Variants in HS1BP3 observed in about 807,000 individuals in gnomAD.
HS1BP3 encodes HCLS1-binding protein 3.
HS1BP3 carries 32 observed loss-of-function variants against 33.5 expected under a neutral mutation model. That is an observed-to-expected ratio of 0.95 (90% CI 0.72 to 1.28). The LOEUF is 1.28. Among genes scored for constraint, HS1BP3 ranks in the 50% most tolerant of loss-of-function variants. HS1BP3 has a pLI of 0.00. For synonymous variants in HS1BP3, 187 were observed against 209.2 expected (o/e 0.89, Z 0.92); for missense variants, 486 against 502.3 (o/e 0.97, Z 0.31).
chr2:20,605,588 C>T (rs192791372), intron 2 of HS1BP3, among the ~76,000 whole-genome samples: 196 of 152,298 alleles, frequency 1.3e-3, no homozygotes, highest in Admixed American at 4.1e-3. Context: ...TATACCTCCC[C>T]GCACTCCCAG....
downstream of HS1BP3, among the ~76,000 whole-genome samples, chr2:20,559,034 C>T (rs1444673730): frequency 1.3e-5 from 2 of 152,178 alleles, no homozygotes; most frequent in African/African-American, 2.4e-5. Flanking sequence ...GGACTCACAT[C>T]GTGAGGAGCG....
chr2:20,630,170 T>A (rs1694926820), intron 4 of HS1BP3, among the ~76,000 whole-genome samples: 1 of 152,368 alleles, frequency 6.6e-6, no homozygotes, highest in African/African-American at 2.4e-5. Context: ...AATACGGAAA[T>A]CCACCTCCTT....
intron 3 of HS1BP3, among the ~76,000 whole-genome samples, chr2:20,639,020 G>A (rs570664960): frequency 2.6e-5 from 4 of 152,344 alleles, no homozygotes; most frequent in African/African-American, 7.2e-5. Flanking sequence ...CCGGGTGAGC[G>A]GTGGGATACA....
At chr2:20,607,891 T>A (rs1694232791) in intron 2 of HS1BP3, among the ~76,000 whole-genome samples, 1 of 152,248 alleles carries the variant, frequency 6.6e-6, no homozygotes, top group Admixed American at 6.5e-5. Context: ...GAACATGGAA[T>A]GTCTTTTTAT....
intron 1 of HS1BP3, among the ~76,000 whole-genome samples, chr2:20,645,843 C>T (rs1695502878): frequency 6.6e-6 from 1 of 152,248 alleles, no homozygotes; most frequent in Non-Finnish European, 1.5e-5. Context: ...AGGGCCTCTA[C>T]TCAGACCAAG....
At position 20,650,484 on chromosome 2, in the gene HS1BP3, C is replaced by CCT. The variant is rs1259154248; in HGVS notation, c.32+546_32+547dup. Among the ~76,000 whole-genome samples, 10 of 152,324 alleles carry CCT rather than the reference C, an allele frequency of 6.6e-5. No homozygotes were observed. The East Asian group carries it at 1.9e-3, about 29-fold the overall frequency. ...TGAGCTGCCTCGCAAGCAGCAACGA[C>CCT]CTCTCCCTGGTCTCTCATCAAACTC... On this transcript the variant is annotated intron_variant, in intron 1 of 6. Transcript: ENST00000304031.
At chr2:20,599,547 G>C (rs1238786280) in intron 2 of HS1BP3, among the ~76,000 whole-genome samples, 1 of 151,782 alleles carries the variant, frequency 6.6e-6, no homozygotes, top group Non-Finnish European at 1.5e-5. Context: ...AAGGGGCTTT[G>C]AGCCTTATCT....
At chr2:20,647,569 G>C (rs1178685718) in intron 1 of HS1BP3, among the ~76,000 whole-genome samples, 1 of 152,150 alleles carries the variant, frequency 6.6e-6, no homozygotes, top group East Asian at 1.9e-4. Context: ...AGGCATGTTC[G>C]GGCCTAGGGT....
At chr2:20,640,732 C>T in intron 3 of HS1BP3, 1 of 614,216 alleles carries the variant, frequency 1.6e-6, no homozygotes, top group Non-Finnish European at 3.0e-6. Flanking sequence ...TGGGGTCACA[C>T]TATGGAGAAT....
In HS1BP3 at chr2:20,645,536, C is replaced by T. The variant is rs777750770; in HGVS notation, c.33-31G>A. On this transcript the variant is annotated intron_variant, in intron 1 of 6. Transcript: ENST00000304031. ...AGGGGAAAAGAAGGCAGGTGGGGTT[C>T]AGGGTCAAGGCAGTAGGCTTCCCGA... 5 of 1,596,050 alleles carry T rather than the reference C, an allele frequency of 3.1e-6. No individual in the cohort carries two copies. The South Asian group carries it at 5.7e-5, about 18-fold the overall frequency.
intron 2 of HS1BP3, among the ~76,000 whole-genome samples, chr2:20,641,896 T>C (rs1695363246): frequency 6.6e-6 from 1 of 152,216 alleles, no homozygotes; most frequent in Admixed American, 6.5e-5. Context: ...GAGCTCTTGC[T>C]GCATGTTCAC....
At position 20,638,681 on chromosome 2, in the gene HS1BP3, T is replaced by TC. The variant is rs754846845; in HGVS notation, c.407-30_407-29insG. On this transcript the variant is annotated intron_variant, in intron 3 of 6. Coordinates refer to ENST00000304031, the MANE Select transcript of HS1BP3 (RefSeq NM_022460.4). Reference sequence around the variant, plus strand: ...TGGAGGAAGACAGAAAAGAATGGACTTGGTAACCACCCCAGAGCCAGGGGA... The same window carrying TC: ...TGGAGGAAGACAGAAAAGAATGGACTCTGGTAACCACCCCAGAGCCAGGGGA... 18 of 1,577,242 alleles carry TC rather than the reference T, an allele frequency of 1.1e-5. No individual in the cohort carries two copies. In the Admixed American group the frequency reaches 2.5e-4, roughly 22 times the overall value.
At chr2:20,566,296 C>T (rs1293797879) in intron 5 of HS1BP3, among the ~76,000 whole-genome samples, 1 of 152,276 alleles carries the variant, frequency 6.6e-6, no homozygotes, top group African/African-American at 2.4e-5. Flanking sequence ...GACACAGACA[C>T]TGCTTGGGCT....
intron 2 of HS1BP3, among the ~76,000 whole-genome samples, chr2:20,599,877 C>A (rs1009733006): frequency 6.6e-6 from 1 of 152,088 alleles, no homozygotes; most frequent in Non-Finnish European, 1.5e-5. Context: ...GTTCATTCAG[C>A]CCTGCCATCA....
At chr2:20,572,751 G>A (rs1180679071) in intron 5 of HS1BP3, among the ~76,000 whole-genome samples, 6 of 152,206 alleles carry the variant, frequency 3.9e-5, no homozygotes. Context: ...CCGGGGATCA[G>A]CTCCCAGCCT....
intron 5 of HS1BP3, among the ~76,000 whole-genome samples, chr2:20,580,736 C>G (rs1693513448): frequency 1.3e-5 from 2 of 152,080 alleles, no homozygotes; most frequent in Admixed American, 1.3e-4. Context: ...CAAAAATTAC[C>G]AAGTCAGATA....
chr2:20,560,830 C>T (rs939302582), intron 5 of HS1BP3, among the ~76,000 whole-genome samples: 12 of 152,208 alleles, frequency 7.9e-5, no homozygotes, highest in Admixed American at 7.2e-4. Flanking sequence ...GCTGAGGACA[C>T]TGTTCTGTCC....
At position 20,565,885 on chromosome 2, in the gene HS1BP3, G is replaced by A. The variant is rs1395169501; in HGVS notation, c.303-5370C>T. Among the ~76,000 whole-genome samples, 3 of 152,372 alleles carry A rather than the reference G, an allele frequency of 2.0e-5. No homozygotes were observed. In the East Asian group the frequency reaches 5.8e-4, roughly 29 times the overall value. The stretch of plus-strand genomic sequence containing the variant: ...GTAGAGTCAGGGCTGGAACTGGAAT[G>A]TGCTGCCTCACAGGCCAAGGCTTCC... On this transcript the variant is annotated intron_variant, in intron 5 of 5. Coordinates refer to the HS1BP3 transcript ENST00000446825.
chr2:20,613,696 G>A (rs72782378), downstream of HS1BP3, among the ~76,000 whole-genome samples: 28,098 of 152,222 alleles, frequency 0.18, 2,797 homozygotes, highest in Middle Eastern at 0.22. Context: ...CCCGTGGTGG[G>A]TGTCTACACA....
Sources: allele counts gnomAD v4.1 joint callset (sites outside exome capture counted in the v4.1 genomes callset), GRCh38; gene constraint gnomAD v4.1.1; transcripts MANE v1.5; gene names NCBI Gene and HGNC (gene_info 2026-07-23, HGNC 2026-07-21).